The following NCKAP5 variants were observed in gnomAD, a reference collection of about 807,000 sequenced individuals.
NCKAP5 encodes NCK associated protein 5, also known as nck-associated protein 5.
A neutral mutation model predicts 167.0 loss-of-function variants in NCKAP5; 92 were observed. The ratio of observed to expected loss-of-function variants is 0.55; its 90% CI spans 0.47 to 0.66. The LOEUF is 0.66. NCKAP5 is among the 30% of genes least tolerant of loss of function. The pLI, the probability that NCKAP5 is intolerant of heterozygous loss-of-function variation, is 0.00. For missense variants in NCKAP5, 2,378 were observed against 2,315.0 expected (o/e 1.03, Z -0.56); for synonymous variants, 891 against 877.4 (o/e 1.02, Z -0.27).
chr2:132,808,109 C>G (rs1685573906), intron 11 of NCKAP5, among the ~76,000 whole-genome samples: 1 of 152,098 alleles, frequency 6.6e-6, no homozygotes, highest in African/African-American at 2.4e-5. Context: ...ATGAAACCCA[C>G]TTGATCATGG....
intron 4 of NCKAP5, among the ~76,000 whole-genome samples, chr2:133,270,872 C>A (rs2089475933): frequency 6.6e-6 from 1 of 151,822 alleles, no homozygotes; most frequent in South Asian, 2.1e-4. Flanking sequence ...TGGACCCGCT[C>A]CCACCCTGCG....
intron 3 of NCKAP5, among the ~76,000 whole-genome samples, chr2:133,416,656 C>CAA (rs551476353): frequency 1.0e-4 from 13 of 127,594 alleles, no homozygotes; most frequent in African/African-American, 2.6e-4. Context: ...TGGCATTATG[C>CAA]AAAAAAAAAA....
chr2:133,575,754 G>A, the NCKAP5 span, among the ~76,000 whole-genome samples: 842 of 152,230 alleles, frequency 5.5e-3, 7 homozygotes, highest in Middle Eastern at 0.024. Context: ...TGGCCAAATC[G>A]GCAGAGAAAT....
At chr2:132,963,442 G>A (rs1279360917) in intron 8 of NCKAP5, among the ~76,000 whole-genome samples, 1 of 152,078 alleles carries the variant, frequency 6.6e-6, no homozygotes, top group Non-Finnish European at 1.5e-5. Context: ...CTTCCCCCAA[G>A]GAGCTTGCAA....
At chr2:133,610,495 C>T in the NCKAP5 span, among the ~76,000 whole-genome samples, 1 of 152,186 alleles carries the variant, frequency 6.6e-6, no homozygotes, top group Non-Finnish European at 1.5e-5. Flanking sequence ...CCCATAATGT[C>T]ATGGAACATA....
At chr2:132,765,172 G>C (rs1160343747) in intron 16 of NCKAP5, among the ~76,000 whole-genome samples, 3 of 152,160 alleles carry the variant, frequency 2.0e-5, no homozygotes, top group African/African-American at 4.8e-5. Flanking sequence ...TTCTCAAAAA[G>C]TTACTCAAGG....
chr2:132,865,866 G>A (rs908587521), intron 10 of NCKAP5, among the ~76,000 whole-genome samples: 5 of 152,118 alleles, frequency 3.3e-5, no homozygotes, highest in Admixed American at 6.6e-5. Context: ...AGAACAAAAC[G>A]ACTTTGTGGA....
intron 5 of NCKAP5, among the ~76,000 whole-genome samples, chr2:133,208,663 A>G (rs1045250926): frequency 1.3e-5 from 2 of 152,220 alleles, no homozygotes; most frequent in Non-Finnish European, 2.9e-5. Flanking sequence ...TGGATAAAGC[A>G]TGGACTTCAT....
chr2:133,149,672 C>T (rs1389022969), intron 5 of NCKAP5, among the ~76,000 whole-genome samples: 4 of 152,150 alleles, frequency 2.6e-5, no homozygotes, highest in Non-Finnish European at 5.9e-5. Context: ...TCACACTGCT[C>T]TCACTAATTA....
At chr2:132,913,330 A>C (rs2148962697) in intron 8 of NCKAP5, among the ~76,000 whole-genome samples, 1 of 152,268 alleles carries the variant, frequency 6.6e-6, no homozygotes, top group African/African-American at 2.4e-5. Flanking sequence ...GTCATGGATA[A>C]GAGAGATTCT....
At chr2:132,937,060 C>T (rs1036433813) in intron 8 of NCKAP5, among the ~76,000 whole-genome samples, 9 of 152,286 alleles carry the variant, frequency 5.9e-5, no homozygotes, top group East Asian at 1.9e-4. Flanking sequence ...AACTTGAGAT[C>T]AACTTCTGCT....
intron 8 of NCKAP5, among the ~76,000 whole-genome samples, chr2:132,962,106 G>C (rs754918430): frequency 8.5e-5 from 13 of 152,130 alleles, no homozygotes; most frequent in Non-Finnish European, 1.5e-4. Flanking sequence ...GAAGCTACTT[G>C]CTTACCTGTC....
intron 19 of NCKAP5, among the ~76,000 whole-genome samples, chr2:132,698,509 G>A (rs1489809533): frequency 6.6e-6 from 1 of 152,042 alleles, no homozygotes; most frequent in African/African-American, 2.4e-5. Flanking sequence ...CTTAAGACTA[G>A]CACCACCAGC....
intron 2 of NCKAP5, chr2:133,556,844 C>A (rs1687775982): frequency 6.6e-6 from 1 of 152,188 alleles, no homozygotes; most frequent in Admixed American, 6.5e-5. Context: ...TCTAAAAGAT[C>A]TGAGTAAGTA....
intron 8 of NCKAP5, among the ~76,000 whole-genome samples, chr2:132,962,288 G>A (rs2076535575): frequency 1.3e-5 from 2 of 152,120 alleles, no homozygotes; most frequent in Non-Finnish European, 2.9e-5. Flanking sequence ...AATTACACAC[G>A]TAATCCTCGT....
At chr2:133,647,375 GA>G in the NCKAP5 span, among the ~76,000 whole-genome samples, 109 of 104,070 alleles carry the variant, frequency 1.0e-3, 2 homozygotes, top group African/African-American at 4.4e-3. Context: ...AAGGAAGAAA[GA>G]AAGGAAGGAA....
Position 133,342,705 on chromosome 2 carries a change from A to T in NCKAP5, c.70-39595T>A, listed in dbSNP as rs112265307. On this transcript the variant is annotated intron_variant, in intron 3 of 19. Coordinates refer to ENST00000409261, the MANE Select transcript of NCKAP5 (RefSeq NM_207363.3). ...CATTCAGCTCTTGCATTCCCAAGTA[A>T]TCCTCTTTTAGGAAAAGGGTTCTCT... Among the ~76,000 whole-genome samples the T allele has an allele frequency of 9.6e-3, 1,463 of 152,274 alleles. 25 individuals are homozygous for T. The highest frequency in any genetic ancestry group is 0.031 in the African/African-American group (1,287 of 41,550).
At chr2:133,164,763 T>C (rs575383637) in intron 5 of NCKAP5, among the ~76,000 whole-genome samples, 15 of 152,316 alleles carry the variant, frequency 9.8e-5, no homozygotes, top group African/African-American at 3.6e-4. Context: ...CTGCTTTCCA[T>C]GGATCTTTCC....
In NCKAP5 at chr2:132,783,446, G is replaced by A. The variant is rs746891428; in HGVS notation, c.3365C>T (p.Ser1122Leu). 6 of 1,585,476 alleles carry A rather than the reference G, an allele frequency of 3.8e-6. No individual in the cohort carries two copies. Among genetic ancestry groups the A allele is most frequent in the Middle Eastern group, 1.7e-4 (1 of 5,906 alleles). The change falls in exon 14 of 20, where the codon TCA becomes TTA. Residue 1122 changes from serine to leucine, a missense_variant. By Grantham distance (145) the Ser-to-Leu change is moderately radical. Coordinates refer to ENST00000409261, the MANE Select transcript of NCKAP5 (RefSeq NM_207363.3). ...SSQVSSSSSS[S>L]SPAKSHNSPH... ...GCTGTTATGGCTTTTGGCGGGTGAT[G>A]AGGATGATGAGGAACTGCTGACCTG... is the stretch of plus-strand genomic sequence containing the variant.
Sources: allele counts gnomAD v4.1 joint callset (sites outside exome capture counted in the v4.1 genomes callset), GRCh38; gene constraint gnomAD v4.1.1; transcripts MANE v1.5; gene names NCBI Gene and HGNC (gene_info 2026-07-23, HGNC 2026-07-21).